Variants in NSUN3 observed in about 807,000 individuals in gnomAD.
The protein encoded by NSUN3 is tRNA (cytosine(34)-C(5))-methyltransferase, mitochondrial.
In NSUN3, 24 loss-of-function variants were observed where a neutral mutation model predicts 36.8. The ratio of observed to expected loss-of-function variants is 0.65; its 90% CI spans 0.47 to 0.92. The LOEUF is 0.92. NSUN3 is among the 40% of genes least tolerant of loss of function. NSUN3 has a pLI of 0.00. For missense variants in NSUN3, 381 were observed against 392.8 expected (o/e 0.97, Z 0.25); for synonymous variants, 146 against 145.2 (o/e 1.01, Z -0.04).
intron 5 of NSUN3, 27 bp from the exon 6 acceptor site, chr3:94,126,184 C>A: frequency 1.3e-6 from 2 of 1,582,892 alleles, no homozygotes; most frequent in Non-Finnish European, 1.7e-6. Flanking sequence ...CTTAACTAAT[C>A]TTTTGCATTT....
At chr3:94,094,430 A>ATTTT in intron 4 of NSUN3, 136 bp downstream of exon 4, 1 of 810,118 alleles carries the variant, frequency 1.2e-6, no homozygotes, top group African/African-American at 1.7e-5. Context: ...ATTTTGATAA[A>ATTTT]GTGAACATGG....
chr3:94,091,437 G>GA lies in NSUN3; in HGVS notation c.467-2695dup, dbSNP rs371681023. On this transcript the variant is annotated intron_variant, in intron 3 of 5. Transcript: ENST00000314622. Reference sequence around the variant, plus strand: ...CATCCAAGATGGAAGATAGGAGTTAGAAAAAAAATGAATAGCAAAGGTGGG... The same window carrying GA: ...CATCCAAGATGGAAGATAGGAGTTAGAAAAAAAAATGAATAGCAAAGGTGGG... 3.2e-3 allele frequency among the ~76,000 whole-genome samples: 493 copies of GA among 151,930 alleles called. 1 individual carries two copies. Among genetic ancestry groups the GA allele is most frequent in the Non-Finnish European group, 3.9e-3 (262 of 67,944 alleles).
At chr3:94,100,704 T>G (rs960213834) in intron 5 of NSUN3, among the ~76,000 whole-genome samples, 2 of 152,236 alleles carry the variant, frequency 1.3e-5, no homozygotes, top group African/African-American at 2.4e-5. Context: ...AATGTATACA[T>G]AGACCAAGAT....
chr3:94,101,421 T>G lies in NSUN3; in HGVS notation c.743+6267T>G, dbSNP rs190087282. Among the ~76,000 whole-genome samples the G allele has an allele frequency of 2.0e-5, 3 of 152,268 alleles. No individual in the cohort carries two copies. In the East Asian group the frequency reaches 5.8e-4, roughly 29 times the overall value. On this transcript the variant is annotated intron_variant, in intron 5 of 5. Transcript: ENST00000314622. ...AATGTAACTAGTTTTCTGGTTTTTTTTAACATGAAAAACTTATTGGAAGGC... is the reference window on the plus strand; with the variant it reads ...AATGTAACTAGTTTTCTGGTTTTTTGTAACATGAAAAACTTATTGGAAGGC...
chr3:94,131,472 C>T lies in NSUN3; in HGVS notation c.*4982C>T, dbSNP rs140805072. 9.3e-3 allele frequency among the ~76,000 whole-genome samples: 1,422 copies of T among 152,150 alleles called. 15 individuals carry two copies. Among genetic ancestry groups the T allele is most frequent in the Non-Finnish European group, 0.016 (1,110 of 68,002 alleles). ...CTCCTTTTGTGTCATACCCTATTCC[C>T]AGGGGATGAAAGGATTAATCAATAC... On this transcript the variant is annotated 3_prime_UTR_variant, in exon 6 of 6. Coordinates refer to ENST00000314622, the MANE Select transcript of NSUN3 (RefSeq NM_022072.5).
At chr3:94,074,379 A>G (rs932241891) in intron 2 of NSUN3, among the ~76,000 whole-genome samples, 4 of 152,204 alleles carry the variant, frequency 2.6e-5, no homozygotes, top group Admixed American at 6.5e-5. Flanking sequence ...CATTGAATCT[A>G]TAAGTTACTC....
chr3:94,098,457 A>G (rs541548889), intron 5 of NSUN3, among the ~76,000 whole-genome samples: 19 of 152,150 alleles, frequency 1.2e-4, no homozygotes, highest in Non-Finnish European at 2.2e-4. Context: ...GTTCCCCATT[A>G]CCAGCAAAAT....
At chr3:94,117,297 G>C (rs533985388) in intron 5 of NSUN3, among the ~76,000 whole-genome samples, 1 of 152,042 alleles carries the variant, frequency 6.6e-6, no homozygotes, top group South Asian at 2.1e-4. Flanking sequence ...ACCACGCCCG[G>C]CCTCACAACT....
chr3:94,080,052 C>A (rs995819015), intron 2 of NSUN3, among the ~76,000 whole-genome samples: 1 of 152,180 alleles, frequency 6.6e-6, no homozygotes, highest in African/African-American at 2.4e-5. Flanking sequence ...TGGTTTCTCC[C>A]CATCTTTGTG....
chr3:94,118,337 G>T (rs1488985289), intron 5 of NSUN3, among the ~76,000 whole-genome samples: 2 of 152,120 alleles, frequency 1.3e-5, no homozygotes, highest in Non-Finnish European at 2.9e-5. Flanking sequence ...CCATTTTAGA[G>T]TATTAGGTTA....
intron 5 of NSUN3, among the ~76,000 whole-genome samples, chr3:94,124,148 CTTTTTTTTTTT>C (rs58987431): frequency 0.014 from 1,221 of 88,290 alleles, 21 homozygotes; most frequent in African/African-American, 0.053. Flanking sequence ...TATTTTATTT[CTTTTTTTTTTT>C]TTTTTTTTTT....
chr3:94,129,005 C>T lies in NSUN3; in HGVS notation c.*2515C>T, dbSNP rs1184409591. Among the ~76,000 whole-genome samples the T allele has an allele frequency of 5.9e-5, 9 of 151,984 alleles. No homozygotes were observed. The highest frequency in any genetic ancestry group is 8.8e-5 in the Non-Finnish European group (6 of 67,978). On this transcript the variant is annotated 3_prime_UTR_variant, in exon 6 of 6. Coordinates refer to ENST00000314622, the MANE Select transcript of NSUN3 (RefSeq NM_022072.5). ...AGTCAATAAAATAAAAAATAACAGA[C>T]GCTGATGAGGCTGTGGAGAAAAGGA...
At chr3:94,100,911 A>C (rs1057204258) in intron 5 of NSUN3, among the ~76,000 whole-genome samples, 1 of 152,166 alleles carries the variant, frequency 6.6e-6, no homozygotes, top group African/African-American at 2.4e-5. Context: ...ATAACTCGAT[A>C]CTAATCTGGC....
At chr3:94,080,596 G>A (rs1363546503) in intron 2 of NSUN3, among the ~76,000 whole-genome samples, 3 of 152,126 alleles carry the variant, frequency 2.0e-5, no homozygotes, top group Non-Finnish European at 4.4e-5. Flanking sequence ...TTTTTTCAGA[G>A]ATGCCCTGCC....
rs2077493423 is a variant in NSUN3 at position 94,127,761 on chromosome 3, T to C, written c.*1271T>C. 6.6e-6 allele frequency: 1 copy of C among 152,240 alleles called. No individual in the cohort carries two copies. Among genetic ancestry groups the C allele is most frequent in the South Asian group, 2.1e-4 (1 of 4,832 alleles). The allele number at this position is 152,240 out of a possible 1,614,324, so 9.4% of individuals were successfully genotyped here. A position where few individuals can be genotyped will look rare whatever the true frequency, so the allele number is the denominator to read the frequency against. ...CTGAATACTTTTGAATTGTTCATTA[T>C]GTTCTGTGCCTTTAAACTAGAGACT... On this transcript the variant is annotated 3_prime_UTR_variant, in exon 6 of 6. Coordinates refer to ENST00000314622, the MANE Select transcript of NSUN3 (RefSeq NM_022072.5).
At chr3:94,109,441 ATAT>A (rs2077406900) in intron 5 of NSUN3, among the ~76,000 whole-genome samples, 1 of 152,318 alleles carries the variant, frequency 6.6e-6, no homozygotes, top group South Asian at 2.1e-4. Flanking sequence ...TTGGAATTAG[ATAT>A]TATTTAATTA....
chr3:94,070,766 T>C (rs947823025), intron 2 of NSUN3, among the ~76,000 whole-genome samples: 1 of 152,190 alleles, frequency 6.6e-6, no homozygotes, highest in African/African-American at 2.4e-5. Flanking sequence ...AAAACCTCCA[T>C]ATGCCAGAAA....
intron 2 of NSUN3, among the ~76,000 whole-genome samples, chr3:94,077,508 G>A (rs969506583): frequency 6.6e-6 from 1 of 152,296 alleles, no homozygotes. Context: ...GTTTCAGAAG[G>A]AATGGCACTA....
At chr3:94,072,928 T>C (rs2077230036) in intron 2 of NSUN3, among the ~76,000 whole-genome samples, 1 of 152,154 alleles carries the variant, frequency 6.6e-6, no homozygotes, top group South Asian at 2.1e-4. Flanking sequence ...ACATTAGGTA[T>C]TTCTCCTAAT....
Sources: allele counts gnomAD v4.1 joint callset (sites outside exome capture counted in the v4.1 genomes callset), GRCh38; gene constraint gnomAD v4.1.1; transcripts MANE v1.5; gene names NCBI Gene and HGNC (gene_info 2026-07-23, HGNC 2026-07-21).